AUTS2: variants seen among roughly 807,000 people sequenced by gnomAD.
The protein encoded by AUTS2 is activator of transcription and developmental regulator AUTS2.
Under a neutral mutation model 112.4 loss-of-function variants are expected in AUTS2, and 17 were observed. The observed-to-expected ratio is 0.15, with a 90% CI of 0.10 to 0.23. The LOEUF is 0.23. Among genes scored for constraint, AUTS2 ranks in the 10% least tolerant of loss-of-function variants. AUTS2 has a pLI of 1.00. For synonymous variants in AUTS2, 751 were observed against 702.7 expected, an observed-to-expected ratio of 1.07 and a Z score of -1.09; for missense variants, 1,510 against 1,701.6, an observed-to-expected ratio of 0.89 and a Z score of 1.98.
Position 70,118,145 on chromosome 7 carries a change from A to G in AUTS2, c.536A>G (p.Gln179Arg), listed in dbSNP as rs1463984091. The change falls in exon 3 of 19, where the codon CAG becomes CGG. Residue 179 changes from glutamine (Q) to arginine (R), a missense_variant. Physicochemically the swap from Gln to Arg is conservative, Grantham distance 43. Around this residue, in one of 3 missense-constraint regions of AUTS2, gnomAD observed 535 missense variants for 594.3 expected, o/e 0.90. Coordinates refer to ENST00000342771, the MANE Select transcript of AUTS2 (RefSeq NM_015570.4). ...PKALRQLKPG[Q>R]NSCRDSDSES... ...TTTTGCCTTTAGCTCAAGCCAGGAC[A>G]GAACAGCTGCAGGGACAGTGACAGT... The G allele has an allele frequency of 1.6e-5, 25 of 1,608,744 alleles. No homozygotes were observed. The highest frequency in any genetic ancestry group is 2.0e-5 in the Non-Finnish European group (24 of 1,178,376).
intron 1 of AUTS2, among the ~76,000 whole-genome samples, chr7:69,778,770 C>T (rs1019651252): frequency 6.6e-6 from 1 of 152,150 alleles, no homozygotes; most frequent in East Asian, 1.9e-4. Flanking sequence ...ATTTCCCATT[C>T]AGCGTGAGCT....
At position 70,166,608 on chromosome 7, in the gene AUTS2, G is replaced by A. The variant is rs927343090; in HGVS notation, c.660+32037G>A. On this transcript the variant is annotated intron_variant, in intron 4 of 18. Coordinates refer to ENST00000342771, the MANE Select transcript of AUTS2 (RefSeq NM_015570.4). Reference sequence around the variant, plus strand: ...TGTGAATTTTAGAGCAGCCATTGGGGAAAAAGATAAAGTACAAGATATAAT... The same window carrying A: ...TGTGAATTTTAGAGCAGCCATTGGGAAAAAAGATAAAGTACAAGATATAAT... 1.5e-4 allele frequency among the ~76,000 whole-genome samples: 23 copies of A among 151,604 alleles called. No homozygotes were observed. In the East Asian group the frequency reaches 3.9e-3, roughly 26 times the overall value.
chr7:69,847,226 T>TTTG (rs1267913333), intron 1 of AUTS2, among the ~76,000 whole-genome samples: 1 of 152,224 alleles, frequency 6.6e-6, no homozygotes, highest in Non-Finnish European at 1.5e-5. Flanking sequence ...AAGAGTTTCT[T>TTTG]TATTCATTAA....
intron 5 of AUTS2, among the ~76,000 whole-genome samples, chr7:70,473,227 A>T (rs1797458705): frequency 6.6e-6 from 1 of 152,254 alleles, no homozygotes; most frequent in African/African-American, 2.4e-5. Context: ...GTACACATAC[A>T]TTCCAATTTT....
At chr7:70,188,375 A>C (rs1809712801) in intron 4 of AUTS2, among the ~76,000 whole-genome samples, 1 of 152,182 alleles carries the variant, frequency 6.6e-6, no homozygotes, top group African/African-American at 2.4e-5. Context: ...AGAGGTTAAA[A>C]GTGGTCTGAG....
intron 2 of AUTS2, among the ~76,000 whole-genome samples, chr7:69,913,705 AT>A (rs1204691449): frequency 6.6e-6 from 1 of 152,084 alleles, no homozygotes; most frequent in East Asian, 1.9e-4. Context: ...TGATCATATT[AT>A]TCCCACAAGT....
At chr7:70,743,985 C>G (rs1459849434) in intron 6 of AUTS2, among the ~76,000 whole-genome samples, 2 of 151,068 alleles carry the variant, frequency 1.3e-5, no homozygotes, top group African/African-American at 4.9e-5. Flanking sequence ...CTCCCCCCAC[C>G]CCCGCCCCAG....
rs140152140 is a variant in AUTS2 at position 70,090,511 on chromosome 7, G to A, written c.523-27621G>A. 1.6e-3 allele frequency among the ~76,000 whole-genome samples: 237 copies of A among 151,972 alleles called. 1 individual carries two copies. Among genetic ancestry groups the A allele is most frequent in the African/African-American group, 4.8e-3 (198 of 41,476 alleles). On this transcript the variant is annotated intron_variant, in intron 2 of 18. Coordinates refer to ENST00000342771, the MANE Select transcript of AUTS2 (RefSeq NM_015570.4). ...CCCGACTGGCTGGGACTACAGGTGCGCACCACCATGCCCAGCTAAATTTTG... is the reference window on the plus strand; with the variant it reads ...CCCGACTGGCTGGGACTACAGGTGCACACCACCATGCCCAGCTAAATTTTG...
rs370404279 is a variant in AUTS2 at position 70,119,433 on chromosome 7, C to G, written c.624+1200C>G. 11 of 151,096 alleles carry G rather than the reference C, an allele frequency of 7.3e-5. No homozygotes were observed. The East Asian group carries it at 1.8e-3, about 24-fold the overall frequency. 9.4% of individuals were successfully genotyped at this position (151,096 alleles called of 1,614,324 possible). On this transcript the variant is annotated intron_variant, in intron 3 of 18. Coordinates refer to ENST00000342771, the MANE Select transcript of AUTS2 (RefSeq NM_015570.4). ...AGACTGGAGTGCAGTGGCCTGATCTCAGCTCACTGCAACCTTCGCCTCCCG... is the reference window on the plus strand; with the variant it reads ...AGACTGGAGTGCAGTGGCCTGATCTGAGCTCACTGCAACCTTCGCCTCCCG...
At chr7:70,415,331 T>A (rs1794945361) in intron 4 of AUTS2, among the ~76,000 whole-genome samples, 1 of 152,176 alleles carries the variant, frequency 6.6e-6, no homozygotes, top group African/African-American at 2.4e-5. Context: ...GAAAATATAG[T>A]CAGACTGCCT....
chr7:70,486,350 T>A (rs528442960), intron 5 of AUTS2, among the ~76,000 whole-genome samples: 3 of 152,354 alleles, frequency 2.0e-5, no homozygotes, highest in African/African-American at 7.2e-5. Flanking sequence ...CCCTGTCACC[T>A]AGGGACATTG....
rs557622048 is a variant in AUTS2, at chr7:70,456,372, G to A, written c.690+20591G>A. Reference sequence around the variant, plus strand: ...ATTGTTAATTCTTGTGATACTCACCGTAATAACATCTATCCAAATGAACAT... The same window carrying A: ...ATTGTTAATTCTTGTGATACTCACCATAATAACATCTATCCAAATGAACAT... On this transcript the variant is annotated intron_variant, in intron 5 of 18. Coordinates refer to ENST00000342771, the MANE Select transcript of AUTS2 (RefSeq NM_015570.4). 1.6e-3 allele frequency among the ~76,000 whole-genome samples: 241 copies of A among 152,232 alleles called. 2 individuals are homozygous for A. Among genetic ancestry groups the A allele is most frequent in the Non-Finnish European group, 2.8e-3 (188 of 68,038 alleles).
At chr7:69,945,319 C>G (rs937802297) in intron 2 of AUTS2, among the ~76,000 whole-genome samples, 1 of 152,100 alleles carries the variant, frequency 6.6e-6, no homozygotes, top group Admixed American at 6.5e-5. Flanking sequence ...TGTGGATTCA[C>G]CTGTTTTGGA....
chr7:69,825,216 T>C (rs1791186952), intron 1 of AUTS2, among the ~76,000 whole-genome samples: 2 of 152,174 alleles, frequency 1.3e-5, no homozygotes, highest in African/African-American at 4.8e-5. Context: ...TCTGTCAGTA[T>C]GAGAGAAAGC....
At chr7:70,117,991 T>A (rs1392281659) in intron 2 of AUTS2, 141 bp from the exon 3 acceptor site, 1 of 1,073,808 alleles carries the variant, frequency 9.3e-7, no homozygotes, top group Non-Finnish European at 1.2e-6. Context: ...CTCGTGATCC[T>A]CCTACCTCTG....
intron 4 of AUTS2, among the ~76,000 whole-genome samples, chr7:70,146,967 G>A (rs1807158745): frequency 6.6e-6 from 1 of 152,154 alleles, no homozygotes; most frequent in Admixed American, 6.6e-5. Context: ...GTACATATAT[G>A]TAGGTAGGGA....
chr7:70,429,921 T>G (rs182758402), intron 4 of AUTS2, among the ~76,000 whole-genome samples: 2 of 152,240 alleles, frequency 1.3e-5, no homozygotes, highest in East Asian at 3.9e-4. Flanking sequence ...TGAGGGGGAT[T>G]AGAAACAGAA....
intron 5 of AUTS2, among the ~76,000 whole-genome samples, chr7:70,597,640 C>T (rs1456504797): frequency 1.3e-5 from 2 of 152,146 alleles, no homozygotes; most frequent in Non-Finnish European, 2.9e-5. Context: ...AATTGTTCCC[C>T]TTGTGGGAAG....
chr7:70,166,608 G>GA (rs1437849721), intron 4 of AUTS2, among the ~76,000 whole-genome samples: 1 of 151,490 alleles, frequency 6.6e-6, no homozygotes, highest in Non-Finnish European at 1.5e-5. Flanking sequence ...AGCCATTGGG[G>GA]AAAAAGATAA....
Sources: allele counts gnomAD v4.1 joint callset (sites outside exome capture counted in the v4.1 genomes callset), GRCh38; gene constraint gnomAD v4.1.1; regional missense constraint gnomAD v4.1.1; transcripts MANE v1.5; gene names NCBI Gene and HGNC (gene_info 2026-07-23, HGNC 2026-07-21).